COPS6: variants seen among roughly 807,000 people sequenced by gnomAD.
COPS6 encodes COP9 signalosome subunit 6.
COPS6 carries 9 observed loss-of-function variants against 41.0 expected under a neutral mutation model. The ratio of observed to expected loss-of-function variants is 0.22; its 90% CI spans 0.13 to 0.38. The LOEUF is 0.38. Ranked by LOEUF, COPS6 falls within the 10% of genes least tolerant of loss-of-function variation. The pLI is 1.00. For synonymous variants in COPS6, 179 were observed against 162.9 expected (o/e 1.10, Z -0.75); for missense variants, 302 against 436.7 (o/e 0.69, Z 2.75).
At chr7:100,089,152 G>A (rs1795275968) in intron 1 of COPS6, 86 bp downstream of exon 1, 10 of 1,495,836 alleles carry the variant, frequency 6.7e-6, no homozygotes, top group Non-Finnish European at 8.9e-6. Context: ...AAGGGAGGAG[G>A]GCGGAGCAGC....
chr7:100,089,525 T>G, intron 2 of COPS6, 90 bp from the exon 3 acceptor site: 1 of 1,601,384 alleles, frequency 6.2e-7, no homozygotes, highest in Non-Finnish European at 8.5e-7. Flanking sequence ...AAATCATCGT[T>G]TCCCCAATAC....
rs1198822215 is a variant in COPS6, at chr7:100,090,388, T to C, written c.335-11T>C. 3.8e-6 allele frequency: 6 copies of C among 1,595,058 alleles called. No homozygotes were observed. Among genetic ancestry groups the C allele is most frequent in the Non-Finnish European group, 5.2e-6 (6 of 1,163,742 alleles). Reference sequence around the variant, plus strand: ...AAGAATTACTATATGTTCTGGCCCCTTCCCCTCTAGTTAAACAGGTGTTCA... The same window carrying C: ...AAGAATTACTATATGTTCTGGCCCCCTCCCCTCTAGTTAAACAGGTGTTCA... On this transcript the variant is annotated splice_polypyrimidine_tract_variant and intron_variant, in intron 3 of 9. Coordinates refer to ENST00000303904, the MANE Select transcript of COPS6 (RefSeq NM_006833.5).
rs990087340 is a variant in COPS6, at chr7:100,090,962, C to T, written c.534+13C>T. 3.1e-6 allele frequency: 5 copies of T among 1,613,946 alleles called. No homozygotes were observed. The highest frequency in any genetic ancestry group is 1.7e-5 in the Admixed American group (1 of 60,008). ...AATCAATGGAGAGGTAATACCCTAC[C>T]CTTCAACCCTCAGATCCTGCTCTTG... On this transcript the variant is annotated intron_variant, in intron 6 of 9. Coordinates refer to ENST00000303904, the MANE Select transcript of COPS6 (RefSeq NM_006833.5).
Position 100,091,627 on chromosome 7 carries a change from G to T in COPS6, c.844-22G>T. 6.2e-7 allele frequency: 1 copy of T among 1,614,164 alleles called. No homozygotes were observed. The highest frequency in any genetic ancestry group is 1.3e-5 in the African/African-American group (1 of 75,048). ...ATGCCACGAGGGATCCCGAGGAACTGGTCCTTTCTGTTCCCTCCCAGCAAT... is the reference window on the plus strand; with the variant it reads ...ATGCCACGAGGGATCCCGAGGAACTTGTCCTTTCTGTTCCCTCCCAGCAAT... On this transcript the variant is annotated intron_variant, in intron 9 of 9. Coordinates refer to ENST00000303904, the MANE Select transcript of COPS6 (RefSeq NM_006833.5). This position sits in a 1 kb window ranked among gnomAD's most constrained non-coding sequence, Gnocchi z 4.1.
rs768233021 is a variant in COPS6 at position 100,090,940 on chromosome 7, C to G, written c.525C>G (p.Ile175Met). Reference protein sequence around the residue: ...VSVFESVIDIINGEATMLFAE... With the variant: ...VSVFESVIDIMNGEATMLFAE... ...TTTTTGAGTCTGTCATTGATATAAT[C>G]AATGGAGAGGTAATACCCTACCCTT... The change falls in exon 6 of 10, where the codon ATC becomes ATG. Residue 175 changes from isoleucine to methionine, a missense_variant. Ile to Met is a conservative substitution (Grantham distance 10). Around this residue, in one of 3 missense-constraint regions of COPS6, gnomAD observed 222 missense variants for 309.0 expected, o/e 0.72. Transcript: ENST00000303904. 6.2e-7 allele frequency: 1 copy of G among 1,614,228 alleles called. No individual in the cohort carries two copies. The highest frequency in any genetic ancestry group is 8.5e-7 in the Non-Finnish European group (1 of 1,180,030).
rs1219799534 is a variant in COPS6 at position 100,091,625 on chromosome 7, C to T, written c.844-24C>T. On this transcript the variant is annotated intron_variant, in intron 9 of 9. Transcript: ENST00000303904. This position sits in a 1 kb window ranked among gnomAD's most constrained non-coding sequence, Gnocchi z 4.1. ...GCATGCCACGAGGGATCCCGAGGAACTGGTCCTTTCTGTTCCCTCCCAGCA... is the reference window on the plus strand; with the variant it reads ...GCATGCCACGAGGGATCCCGAGGAATTGGTCCTTTCTGTTCCCTCCCAGCA... The T allele has an allele frequency of 6.2e-7, 1 of 1,614,082 alleles. No homozygotes were observed. Among genetic ancestry groups the T allele is most frequent in the Non-Finnish European group, 8.5e-7 (1 of 1,180,026 alleles).
At chr7:100,089,558 C>T (rs1795283146) in intron 2 of COPS6, 57 bp from the exon 3 acceptor site, 2 of 1,601,802 alleles carry the variant, frequency 1.2e-6, no homozygotes, top group East Asian at 2.2e-5. Context: ...GATCTCAGAC[C>T]CTCAGGTCAT....
chr7:100,090,543 G>C, intron 4 of COPS6, 49 bp from the exon 5 acceptor site: 3 of 1,610,766 alleles, frequency 1.9e-6, no homozygotes, highest in Non-Finnish European at 2.5e-6. Flanking sequence ...TGAGGGGAAG[G>C]AGAAAGGTAG....
At chr7:100,090,169 G>GAA in intron 3 of COPS6, 6 of 535,256 alleles carry the variant, frequency 1.1e-5, no homozygotes, top group African/African-American at 1.9e-5. Context: ...CAAACATAGT[G>GAA]AAACCCCACC....
rs1006414141 is a variant in COPS6 at position 100,089,016 on chromosome 7, C to T, written c.26C>T (p.Ala9Val). 1.4e-5 allele frequency: 19 copies of T among 1,315,588 alleles called. No homozygotes were observed. Among genetic ancestry groups the T allele is most frequent in the South Asian group, 2.5e-5 (1 of 39,600 alleles). 81.5% of individuals were successfully genotyped at this position (1,315,588 alleles called of 1,614,324 possible). A position where few individuals can be genotyped will look rare whatever the true frequency, so the allele number is the denominator to read the frequency against. MAAAAAAA[A>V]ATNGTGGSSG... ...ATGGCGGCGGCGGCGGCGGCGGCTG[C>T]AGCTACGAACGGGACCGGAGGAAGC... The change falls in exon 1 of 10, where the codon GCA becomes GTA. Residue 9 changes from alanine to valine, a missense_variant. Ala to Val is a moderately conservative substitution (Grantham distance 64). Around this residue, in one of 3 missense-constraint regions of COPS6, gnomAD observed 76 missense variants for 97.9 expected, o/e 0.78. Coordinates refer to ENST00000303904, the MANE Select transcript of COPS6 (RefSeq NM_006833.5).
chr7:100,090,989 C>T (rs1562888868), intron 6 of COPS6, 40 bp downstream of exon 6: 3 of 1,613,646 alleles, frequency 1.9e-6, no homozygotes, highest in Admixed American at 1.7e-5. Context: ...CTGCTCTTGG[C>T]CTCTTTCCTG....
At chr7:100,090,090 C>T (rs1326181373) in intron 3 of COPS6, 4 of 452,816 alleles carry the variant, frequency 8.8e-6, no homozygotes, top group Non-Finnish European at 1.6e-5. Context: ...TGACTCATGC[C>T]TCTAATCCCA....
chr7:100,091,206 C>A lies in COPS6; in HGVS notation c.650-32C>A, dbSNP rs1198562955. ...GTTGGAAGGTGTGGCCACATCCCGT[C>A]TCAACCTCCTCCTGTCCTCATCCCC... On this transcript the variant is annotated intron_variant, in intron 7 of 9. Transcript: ENST00000303904. This position sits in a 1 kb window ranked among gnomAD's most constrained non-coding sequence, Gnocchi z 4.1. The A allele has an allele frequency of 6.2e-7, 1 of 1,613,932 alleles. No individual in the cohort carries two copies. Among genetic ancestry groups the A allele is most frequent in the Admixed American group, 1.7e-5 (1 of 60,028 alleles).
chr7:100,091,865 G>A lies in COPS6; in HGVS notation c.*76G>A, dbSNP rs1795331197. The A allele has an allele frequency of 1.3e-5, 21 of 1,584,342 alleles. No individual in the cohort carries two copies. The highest frequency in any genetic ancestry group is 1.6e-5 in the Non-Finnish European group (18 of 1,158,090). On this transcript the variant is annotated 3_prime_UTR_variant, in exon 10 of 10. Transcript: ENST00000303904. The surrounding 1 kb of genome is among the most constrained non-coding windows in gnomAD (Gnocchi z 4.1). Reference sequence around the variant, plus strand: ...GGGAGGGCACTACACTTCCTTGAGAGAAACCGCTGTCATTAATAAAAGGGG... The same window carrying A: ...GGGAGGGCACTACACTTCCTTGAGAAAAACCGCTGTCATTAATAAAAGGGG...
chr7:100,089,035 A>G lies in COPS6; in HGVS notation c.45A>G (p.Gly15=). ...AAAAAATNGT[G]GSSGMEVDAA... The stretch of plus-strand genomic sequence containing the variant: ...CGGCTGCAGCTACGAACGGGACCGG[A>G]GGAAGCAGCGGGATGGAGGTGGATG... The change falls in exon 1 of 10, where the codon GGA becomes GGG. Residue 15 remains glycine, a synonymous_variant. Coordinates refer to ENST00000303904, the MANE Select transcript of COPS6 (RefSeq NM_006833.5). The G allele has an allele frequency of 7.3e-7, 1 of 1,363,142 alleles. No homozygotes were observed. The highest frequency in any genetic ancestry group is 9.5e-7 in the Non-Finnish European group (1 of 1,056,322). 84.4% of individuals were successfully genotyped at this position (1,363,142 alleles called of 1,614,324 possible). A position where few individuals can be genotyped will look rare whatever the true frequency, so the allele number is the denominator to read the frequency against.
chr7:100,091,192 T>C lies in COPS6; in HGVS notation c.649+40T>C, dbSNP rs1317335986. On this transcript the variant is annotated intron_variant, in intron 7 of 9. Coordinates refer to ENST00000303904, the MANE Select transcript of COPS6 (RefSeq NM_006833.5). This position sits in a 1 kb window ranked among gnomAD's most constrained non-coding sequence, Gnocchi z 4.1. ...TCCTTGGAAGTGGGGTTGGAAGGTG[T>C]GGCCACATCCCGTCTCAACCTCCTC... is the stretch of plus-strand genomic sequence containing the variant. 1 of 1,613,548 alleles carries C rather than the reference T, an allele frequency of 6.2e-7. No individual in the cohort carries two copies. Among genetic ancestry groups the C allele is most frequent in the South Asian group, 1.1e-5 (1 of 91,080 alleles).
In COPS6 at chr7:100,091,927, T is replaced by C; in HGVS notation, c.*138T>C. On this transcript the variant is annotated 3_prime_UTR_variant, in exon 10 of 10. Coordinates refer to ENST00000303904, the MANE Select transcript of COPS6 (RefSeq NM_006833.5). This position sits in a 1 kb window ranked among gnomAD's most constrained non-coding sequence, Gnocchi z 4.1. ...AGCACCCCTGCTGGTGGCTCTGTCC[T>C]CTGTTAGGCACCACACTGGTTGGTC... is the stretch of plus-strand genomic sequence containing the variant. 1.8e-6 allele frequency: 2 copies of C among 1,083,504 alleles called. No homozygotes were observed. Among genetic ancestry groups the C allele is most frequent in the South Asian group, 3.1e-5 (2 of 65,106 alleles). The allele number at this position is 1,083,504 out of a possible 1,614,324, so 67.1% of individuals were successfully genotyped here. A position where few individuals can be genotyped will look rare whatever the true frequency, so the allele number is the denominator to read the frequency against.
chr7:100,091,312 G>A lies in COPS6; in HGVS notation c.724G>A (p.Val242Ile), dbSNP rs778539131. 29 of 1,614,228 alleles carry A rather than the reference G, an allele frequency of 1.8e-5. No homozygotes were observed. Among genetic ancestry groups the A allele is most frequent in the South Asian group, 2.2e-5 (2 of 91,090 alleles). ...HSRVKLILEY[V>I]KASEAGEVPF... ...CCGCGTCAAGCTCATCTTGGAGTAC[G>A]TCAAGGCCTCTGAAGCGGGTAGGAC... The change falls in exon 8 of 10, where the codon GTC becomes ATC. Residue 242 changes from valine to isoleucine, a missense_variant. By Grantham distance (29) the Val-to-Ile change is conservative (BLOSUM62 3). Around this residue, in one of 3 missense-constraint regions of COPS6, gnomAD observed 222 missense variants for 309.0 expected, o/e 0.72. Transcript: ENST00000303904. This position sits in a 1 kb window ranked among gnomAD's most constrained non-coding sequence, Gnocchi z 4.1.
rs1441479383 is a variant in COPS6, at chr7:100,091,701, G to C, written c.896G>C (p.Cys299Ser). The C allele has an allele frequency of 6.2e-7, 1 of 1,614,078 alleles. No homozygotes were observed. Among genetic ancestry groups the C allele is most frequent in the Non-Finnish European group, 8.5e-7 (1 of 1,180,056 alleles). The change falls in exon 10 of 10, where the codon TGC becomes TCC. Residue 299 changes from cysteine (C) to serine (S), a missense_variant. By Grantham distance (112) the Cys-to-Ser change is moderately radical. This residue lies in a region of COPS6 where 222 missense variants were observed against 309.0 expected (regional missense o/e 0.72). Transcript: ENST00000303904. This position sits in a 1 kb window ranked among gnomAD's most constrained non-coding sequence, Gnocchi z 4.1. Reference protein sequence around the residue: ...MAYLGTITKTCNTMNQFVNKF... With the variant: ...MAYLGTITKTSNTMNQFVNKF... ...TACCTCGGCACCATCACCAAAACGTGCAACACCATGAACCAGTTTGTGAAC... is the reference window on the plus strand; with the variant it reads ...TACCTCGGCACCATCACCAAAACGTCCAACACCATGAACCAGTTTGTGAAC...
Sources: allele counts gnomAD v4.1 joint callset, GRCh38; gene constraint gnomAD v4.1.1; regional missense constraint gnomAD v4.1.1; non-coding constraint Gnocchi (gnomAD v3.1); transcripts MANE v1.5; gene names NCBI Gene and HGNC (gene_info 2026-07-23, HGNC 2026-07-21).